AHNAK: variants seen among roughly 807,000 people sequenced by gnomAD.
AHNAK encodes the protein neuroblast differentiation-associated protein AHNAK.
In AHNAK, 23 loss-of-function variants were observed where a neutral mutation model predicts 37.8. The ratio of observed to expected loss-of-function variants is 0.61; its 90% CI spans 0.44 to 0.86. AHNAK has a LOEUF of 0.86. Among genes scored for constraint, AHNAK ranks in the 40% least tolerant of loss-of-function variants. The pLI, the probability that AHNAK is intolerant of heterozygous loss-of-function variation, is 0.00. For missense variants in AHNAK, 7,411 were observed against 7,319.4 expected, an observed-to-expected ratio of 1.01 and a Z score of -0.46; for synonymous variants, 2,481 against 2,636.3, an observed-to-expected ratio of 0.94 and a Z score of 1.80.
At chr11:62,534,880 G>A (rs976482013) in intron 4 of AHNAK, 123 bp downstream of exon 4, 4 of 1,026,606 alleles carry the variant, frequency 3.9e-6, no homozygotes, top group Non-Finnish European at 5.6e-6. Flanking sequence ...GTGAAGACAG[G>A]TGAGAGGAGA....
At position 62,526,561 on chromosome 11, in the gene AHNAK, T is replaced by C; in HGVS notation, c.7856A>G (p.Lys2619Arg). 1 of 1,612,514 alleles carries C rather than the reference T, an allele frequency of 6.2e-7. No homozygotes were observed. Among genetic ancestry groups the C allele is most frequent in the Non-Finnish European group, 8.5e-7 (1 of 1,179,732 alleles). ...CACATCTGGGGCATTAATATCCACT[T>C]TGGGCCCCTTGATGTCAACTTCGGG... is the stretch of plus-strand genomic sequence containing the variant. ...KGPEVDIKGP[K>R]VDINAPDVGV... Residue 2619 changes from lysine (K) to arginine (R), a missense_variant, in exon 5 of 5, where the codon AAA becomes AGA. By Grantham distance (26) the Lys-to-Arg change is conservative. Coordinates refer to ENST00000378024, the MANE Select transcript of AHNAK (RefSeq NM_001620.3).
intron 4 of AHNAK, among the ~76,000 whole-genome samples, chr11:62,503,904 T>C (rs1184731257): frequency 6.6e-6 from 1 of 152,156 alleles, no homozygotes; most frequent in Admixed American, 6.5e-5. Flanking sequence ...CTTATGCCTG[T>C]AATGCCTGCA....
At position 62,518,273 on chromosome 11, in the gene AHNAK, A is replaced by G. The variant is rs777460567; in HGVS notation, c.16144T>C (p.Cys5382Arg). Reference protein sequence around the residue: ...GDLAVSGDIKCPKVSVGAPDL... With the variant: ...GDLAVSGDIKRPKVSVGAPDL... ...GGAGCTCCTACGGATACTTTAGGGC[A>G]TTTGATGTCACCAGAGACAGCCAGA... The change falls in exon 5 of 5, where the codon TGC becomes CGC. Residue 5382 changes from cysteine (C) to arginine (R), a missense_variant. Cys to Arg is a radical substitution (Grantham distance 180, BLOSUM62 -3). Coordinates refer to ENST00000378024, the MANE Select transcript of AHNAK (RefSeq NM_001620.3). The G allele has an allele frequency of 6.2e-7, 1 of 1,614,158 alleles. No individual in the cohort carries two copies. Among genetic ancestry groups the G allele is most frequent in the African/African-American group, 1.3e-5 (1 of 75,038 alleles).
At chr11:62,494,886 G>A (rs1368035760) in intron 4 of AHNAK, among the ~76,000 whole-genome samples, 1 of 151,680 alleles carries the variant, frequency 6.6e-6, no homozygotes, top group African/African-American at 2.4e-5. Context: ...TGTAATCTCA[G>A]CTACTCAGGA....
chr11:62,451,982 AT>A (rs541355841), intron 5 of AHNAK, among the ~76,000 whole-genome samples: 79 of 143,842 alleles, frequency 5.5e-4, no homozygotes, highest in East Asian at 6.2e-4. Context: ...TAATTTTTGT[AT>A]TTTTTTTTTT....
At position 62,522,555 on chromosome 11, in the gene AHNAK, C is replaced by G. The variant is rs1333013539; in HGVS notation, c.11862G>C (p.Val3954=). ...CGTCAAGGTCAGCCTTGGGCAGGTT[C>G]ACATCCACTTCTGGACCTTCTCCTT... The part of the protein sequence containing the change: ...GFKGEGPEVD[V]NLPKADLDVS... The change falls in exon 5 of 5, where the codon GTG becomes GTC. Residue 3954 remains valine, a synonymous_variant. Transcript: ENST00000378024. 6.2e-7 allele frequency: 1 copy of G among 1,611,882 alleles called. No individual in the cohort carries two copies. Among genetic ancestry groups the G allele is most frequent in the Non-Finnish European group, 8.5e-7 (1 of 1,179,502 alleles).
chr11:62,437,011 T>C (rs1938186619), intron 5 of AHNAK, among the ~76,000 whole-genome samples: 1 of 151,968 alleles, frequency 6.6e-6, no homozygotes, highest in African/African-American at 2.4e-5. Context: ...TTGATAATCA[T>C]TTTCATAAAT....
rs1451558771 is a variant in AHNAK at position 62,524,287 on chromosome 11, T to A, written c.10130A>T (p.Asp3377Val). 1.9e-6 allele frequency: 3 copies of A among 1,613,840 alleles called. No individual in the cohort carries two copies. The highest frequency in any genetic ancestry group is 2.2e-5 in the East Asian group (1 of 44,902). Residue 3377 changes from aspartate to valine, a missense_variant, in exon 5 of 5, where the codon GAT (aspartate) becomes GTT (valine). Coordinates refer to ENST00000378024, the MANE Select transcript of AHNAK (RefSeq NM_001620.3). ...PEVDVKGKKP[D>V]IDITGPKVDI... The stretch of plus-strand genomic sequence containing the variant: ...AACTTTTGGACCTGTTATGTCAATA[T>A]CTGGCTTTTTACCTTTGACATCCAC...
Position 62,531,135 on chromosome 11 carries a change from A to G in AHNAK, c.3282T>C (p.Gly1094=), listed in dbSNP as rs1182451421. The change falls in exon 5 of 5, where the codon GGT becomes GGC. Residue 1094 remains glycine (G), a synonymous_variant. Transcript: ENST00000378024. ...TGTCCACATCTGGAACCTGCATTTCACCCTCTATCTTTGGTGCAGAGATAT... is the reference window on the plus strand; with the variant it reads ...TGTCCACATCTGGAACCTGCATTTCGCCCTCTATCTTTGGTGCAGAGATAT... The part of the protein sequence containing the change: ...NVDISAPKIE[G]EMQVPDVDIR... 1 of 1,613,642 alleles carries G rather than the reference A, an allele frequency of 6.2e-7. No homozygotes were observed. The highest frequency in any genetic ancestry group is 1.3e-5 in the African/African-American group (1 of 74,770).
In AHNAK at chr11:62,533,594, C is replaced by T; in HGVS notation, c.823G>A (p.Val275Ile). The T allele has an allele frequency of 6.2e-6, 10 of 1,614,184 alleles. No individual in the cohort carries two copies. Among genetic ancestry groups the T allele is most frequent in the Non-Finnish European group, 7.6e-6 (9 of 1,180,034 alleles). Reference protein sequence around the residue: ...LDLGGRGGVQVPAVDISSSLG... With the variant: ...LDLGGRGGVQIPAVDISSSLG... ...GAAGATGAAATGTCCACTGCTGGAA[C>T]TTGGACCCCTCCTCTGCCACCCAAG... Residue 275 changes from valine to isoleucine, a missense_variant, in exon 5 of 5, where the codon GTT becomes ATT. By Grantham distance (29) the Val-to-Ile change is conservative (BLOSUM62 3). Transcript: ENST00000378024.
At chr11:62,536,692 C>CCGT (rs1316662177) in intron 1 of AHNAK, 125 bp from the exon 2 acceptor site, 1 of 152,396 alleles carries the variant, frequency 6.6e-6, no homozygotes, top group Non-Finnish European at 1.5e-5. Context: ...CCCACCACCG[C>CCGT]CGTCAATTCC....
intron 5 of AHNAK, among the ~76,000 whole-genome samples, chr11:62,489,011 C>T (rs113522729): frequency 0.15 from 22,022 of 151,800 alleles, 3,910 homozygotes; most frequent in African/African-American, 0.42. Context: ...GAGGCCCAGG[C>T]GGGTGGATCA....
chr11:62,529,316 C>G lies in AHNAK; in HGVS notation c.5101G>C (p.Val1701Leu). 1 of 1,614,150 alleles carries G rather than the reference C, an allele frequency of 6.2e-7. No homozygotes were observed. The highest frequency in any genetic ancestry group is 2.2e-5 in the East Asian group (1 of 44,864). The change falls in exon 5 of 5, where the codon GTG becomes CTG. Residue 1701 changes from valine to leucine, a missense_variant. Coordinates refer to ENST00000378024, the MANE Select transcript of AHNAK (RefSeq NM_001620.3). Reference sequence around the variant, plus strand: ...TGCCAATCTGGGTCGTGAACCTCCACATCTGGGGCATCAATGTCCACTTTG... The same window carrying G: ...TGCCAATCTGGGTCGTGAACCTCCAGATCTGGGGCATCAATGTCCACTTTG... ...GPKVDIDAPD[V>L]EVHDPDWHLK... is the part of the protein sequence containing the mutation.
chr11:62,524,560 A>C lies in AHNAK; in HGVS notation c.9857T>G (p.Met3286Arg). 6.2e-7 allele frequency: 1 copy of C among 1,613,760 alleles called. No homozygotes were observed. The highest frequency in any genetic ancestry group is 8.5e-7 in the Non-Finnish European group (1 of 1,179,916). Residue 3286 changes from methionine to arginine, a missense_variant, in exon 5 of 5, where the codon ATG becomes AGG. Met to Arg is a moderately conservative substitution (Grantham distance 91). Coordinates refer to ENST00000378024, the MANE Select transcript of AHNAK (RefSeq NM_001620.3). ...GGAGATCTTGGGCATGTTTACATGC[A>C]TGTCAGGCATCTTCAGTTTTGGACC... ...LKGPKLKMPD[M>R]HVNMPKISMP...
intron 1 of AHNAK, among the ~76,000 whole-genome samples, chr11:62,536,933 A>G (rs1424483069): frequency 2.0e-5 from 3 of 151,624 alleles, no homozygotes; most frequent in East Asian, 1.9e-4. Context: ...CATTCTTTTT[A>G]TTTATGTATT....
At chr11:62,438,451 A>G (rs999699789) in intron 5 of AHNAK, among the ~76,000 whole-genome samples, 5 of 152,094 alleles carry the variant, frequency 3.3e-5, no homozygotes, top group Admixed American at 3.3e-4. Context: ...CAGTGCTGAG[A>G]TTACAGGCAT....
At chr11:62,488,170 G>A (rs879572247) in intron 5 of AHNAK, among the ~76,000 whole-genome samples, 17 of 152,202 alleles carry the variant, frequency 1.1e-4, no homozygotes, top group Admixed American at 3.3e-4. Context: ...TTCATTGAAT[G>A]AACAGACATT....
chr11:62,462,729 TGGTTACAAAG>T (rs1186538623), intron 5 of AHNAK, among the ~76,000 whole-genome samples: 5 of 152,210 alleles, frequency 3.3e-5, no homozygotes, highest in Non-Finnish European at 5.9e-5. Context: ...GTTGATTATC[TGGTTACAAAG>T]GGTTTCGACA....
intron 5 of AHNAK, among the ~76,000 whole-genome samples, chr11:62,459,534 G>A (rs1293820285): frequency 6.6e-6 from 1 of 152,118 alleles, no homozygotes; most frequent in Non-Finnish European, 1.5e-5. Flanking sequence ...TGATGGAGAG[G>A]CACACAGCCA....
Sources: gnomAD v4.1 joint callset for allele counts (sites outside exome capture counted in the v4.1 genomes callset) on GRCh38, gnomAD v4.1.1 for gene constraint, MANE v1.5 for transcripts, NCBI Gene and HGNC (gene_info 2026-07-23, HGNC 2026-07-21) for gene names.